The following RIMBP2 variants were observed in gnomAD, a reference collection of about 807,000 sequenced individuals.
RIMBP2 encodes RIMS binding protein 2.
In RIMBP2, 48 loss-of-function variants were observed where a neutral mutation model predicts 118.6. That is an observed-to-expected ratio of 0.40 (90% CI 0.32 to 0.51). RIMBP2 has a LOEUF of 0.51. Ranked by LOEUF, RIMBP2 falls within the 20% of genes least tolerant of loss-of-function variation. The pLI, the probability that RIMBP2 is intolerant of heterozygous loss-of-function variation, is 0.41. For missense variants in RIMBP2, 1,551 were observed against 1,768.3 expected (o/e 0.88, Z 2.20); for synonymous variants, 762 against 742.9 (o/e 1.03, Z -0.42).
rs569017793 is a variant in RIMBP2, at chr12:130,420,006, G to C, written c.3238+2447C>G. On this transcript the variant is annotated intron_variant, in intron 17 of 22. Transcript: ENST00000690449. This position sits in a 1 kb window ranked among gnomAD's most constrained non-coding sequence, Gnocchi z 4.3. ...GCTTATTAAAAATAGGAAGTGTATG[G>C]TTTACAGACTTAATTTCCTCTGAAA... Among the ~76,000 whole-genome samples the C allele has an allele frequency of 4.6e-5, 7 of 152,216 alleles. No homozygotes were observed. In the East Asian group the frequency reaches 1.3e-3, roughly 29 times the overall value.
At chr12:130,555,926 A>G (rs1033125611) in intron 2 of RIMBP2, among the ~76,000 whole-genome samples, 3 of 152,226 alleles carry the variant, frequency 2.0e-5, no homozygotes, top group African/African-American at 7.2e-5. Context: ...CATTTCAATG[A>G]GCCAGGCCCA....
chr12:130,682,258 G>C lies in RIMBP2; in HGVS notation c.-352+33964C>G, dbSNP rs148812988. The stretch of plus-strand genomic sequence containing the variant: ...TCTCCTTTCCCAGCCAGAGAGCCTC[G>C]TCTGCTCTCCCTTCCCCTACTGCCG... On this transcript the variant is annotated intron_variant, in intron 1 of 22. Transcript: ENST00000690449. 2.9e-3 allele frequency among the ~76,000 whole-genome samples: 441 copies of C among 152,234 alleles called. 2 individuals carry two copies. Among genetic ancestry groups the C allele is most frequent in the African/African-American group, 0.01 (416 of 41,546 alleles).
intron 5 of RIMBP2, among the ~76,000 whole-genome samples, chr12:130,476,723 C>A (rs920155955): frequency 6.6e-6 from 1 of 152,228 alleles, no homozygotes; most frequent in Non-Finnish European, 1.5e-5. Flanking sequence ...TCAAGCCTCT[C>A]AACTCCCTTC....
intron 1 of RIMBP2, 50 bp from the exon 2 acceptor site, chr12:130,628,506 A>G (rs1021644269): frequency 2.0e-5 from 3 of 152,184 alleles, no homozygotes; most frequent in African/African-American, 4.8e-5. Flanking sequence ...ATGACTTGCA[A>G]TTTTGCTTGT....
chr12:130,642,150 G>C (rs994080538), intron 1 of RIMBP2, among the ~76,000 whole-genome samples: 12 of 152,282 alleles, frequency 7.9e-5, no homozygotes, highest in African/African-American at 2.6e-4. Context: ...CAGGGCTCAG[G>C]GGACGGGATG....
At chr12:130,638,603 G>A (rs979553616) in intron 1 of RIMBP2, among the ~76,000 whole-genome samples, 1 of 152,140 alleles carries the variant, frequency 6.6e-6, no homozygotes, top group African/African-American at 2.4e-5. Flanking sequence ...TGGGCTGCAT[G>A]CTCCTTATGA....
chr12:130,690,406 A>G (rs2065259592), intron 1 of RIMBP2, among the ~76,000 whole-genome samples: 1 of 152,192 alleles, frequency 6.6e-6, no homozygotes, highest in Non-Finnish European at 1.5e-5. Context: ...ATGAGGCTCT[A>G]ACAGCTTGAA....
chr12:130,407,906 C>G (rs2075326952), intron 19 of RIMBP2, 77 bp from the exon 20 acceptor site: 1 of 1,294,838 alleles, frequency 7.7e-7, no homozygotes, highest in African/African-American at 1.4e-5. Context: ...CCTTCCGGGT[C>G]ACACATGGCC....
In RIMBP2 at chr12:130,434,963, A is replaced by G; in HGVS notation, c.2107-83T>C. ...CCCCACCTGCATTCACCAAACCTTC[A>G]GCCCCTCAGAGCCTGGCCAGGCACC... On this transcript the variant is annotated intron_variant, in intron 13 of 22. Transcript: ENST00000690449. The surrounding 1 kb of genome is among the most constrained non-coding windows in gnomAD (Gnocchi z 5.7). The G allele has an allele frequency of 7.0e-7, 1 of 1,424,670 alleles. No homozygotes were observed. The highest frequency in any genetic ancestry group is 1.4e-5 in the South Asian group (1 of 72,708). 88.3% of individuals were successfully genotyped at this position (1,424,670 alleles called of 1,614,324 possible).
chr12:130,712,200 T>A (rs1949969190), intron 1 of RIMBP2, among the ~76,000 whole-genome samples: 7 of 152,218 alleles, frequency 4.6e-5, no homozygotes, highest in Admixed American at 3.9e-4. Flanking sequence ...TAGACTACGC[T>A]AAATTTATAC....
Position 130,414,197 on chromosome 12 carries a change from G to A in RIMBP2, c.3348C>T (p.Asp1116=). The part of the protein sequence containing the change: ...ARIFVALFDY[D]PLTMSPNPDA... ...CTGGGTTTGGGGACATGGTGAGCGGGTCGTAGTCAAAGAGAGCCACAAAGA... is the reference window on the plus strand; with the variant it reads ...CTGGGTTTGGGGACATGGTGAGCGGATCGTAGTCAAAGAGAGCCACAAAGA... Residue 1116 remains aspartate (D), a synonymous_variant, in exon 18 of 23, where the codon GAC becomes GAT. Coordinates refer to ENST00000690449, the MANE Select transcript of RIMBP2 (RefSeq NM_001393629.1). 1 of 1,614,204 alleles carries A rather than the reference G, an allele frequency of 6.2e-7. No homozygotes were observed. Among genetic ancestry groups the A allele is most frequent in the Non-Finnish European group, 8.5e-7 (1 of 1,180,050 alleles).
chr12:130,488,409 T>C (rs34875398), intron 4 of RIMBP2, among the ~76,000 whole-genome samples: 11,245 of 151,588 alleles, frequency 0.074, 1,133 homozygotes, highest in African/African-American at 0.23. Context: ...GGGGAAAAGA[T>C]AGCTCAGTCA....
intron 2 of RIMBP2, among the ~76,000 whole-genome samples, chr12:130,574,903 C>A (rs964284345): frequency 6.6e-6 from 1 of 152,084 alleles, no homozygotes; most frequent in East Asian, 1.9e-4. Flanking sequence ...CTCACCCATG[C>A]GTTGTGAGCA....
chr12:130,547,308 T>C (rs1593748160), intron 2 of RIMBP2, among the ~76,000 whole-genome samples: 1 of 152,194 alleles, frequency 6.6e-6, no homozygotes, highest in East Asian at 1.9e-4. Context: ...GTGTAGTTGG[T>C]TTCCTGTCCC....
intron 2 of RIMBP2, among the ~76,000 whole-genome samples, chr12:130,530,543 G>C (rs527268940): frequency 6.6e-6 from 1 of 152,254 alleles, no homozygotes; most frequent in Admixed American, 6.5e-5. Context: ...CACATAAAAA[G>C]GGTTTTTACC....
At chr12:130,518,268 A>G (rs1183188992) in intron 2 of RIMBP2, among the ~76,000 whole-genome samples, 4 of 152,226 alleles carry the variant, frequency 2.6e-5, no homozygotes, top group African/African-American at 2.4e-5. Flanking sequence ...CTCCAAACAT[A>G]CAGCCACAAT....
rs3047801 is a variant in RIMBP2 at position 130,566,175 on chromosome 12, G to GCACACACA, written c.-216-48266_-216-48259dup. On this transcript the variant is annotated intron_variant, in intron 2 of 22. Coordinates refer to ENST00000690449, the MANE Select transcript of RIMBP2 (RefSeq NM_001393629.1). ...ATTTGTTGCCAATTTATACACACAT[G>GCACACACA]CACACACACACACACACACACACAC... Among the ~76,000 whole-genome samples, 1,348 of 148,214 alleles carry GCACACACA rather than the reference G, an allele frequency of 9.1e-3. 23 individuals are homozygous for GCACACACA. Among genetic ancestry groups the GCACACACA allele is most frequent in the African/African-American group, 0.032 (1,290 of 40,610 alleles).
intron 7 of RIMBP2, among the ~76,000 whole-genome samples, chr12:130,453,286 G>A (rs1367226316): frequency 6.6e-6 from 1 of 152,190 alleles, no homozygotes; most frequent in African/African-American, 2.4e-5. Flanking sequence ...CATACAGGGC[G>A]CGAGTCCCTT....
intron 2 of RIMBP2, among the ~76,000 whole-genome samples, chr12:130,536,663 G>A (rs1296245628): frequency 6.6e-6 from 1 of 152,186 alleles, no homozygotes; most frequent in Non-Finnish European, 1.5e-5. Context: ...GTGGCCACCA[G>A]CCATGTCTGG....
Sources: allele counts gnomAD v4.1 joint callset (sites outside exome capture counted in the v4.1 genomes callset), GRCh38; gene constraint gnomAD v4.1.1; non-coding constraint Gnocchi (gnomAD v3.1); transcripts MANE v1.5; gene names NCBI Gene and HGNC (gene_info 2026-07-23, HGNC 2026-07-21).